ARHGAP6: variants seen among roughly 807,000 people sequenced by gnomAD.
The protein encoded by ARHGAP6 is Rho GTPase activating protein 6, also known as rho GTPase-activating protein 6.
Under a neutral mutation model 55.7 loss-of-function variants are expected in ARHGAP6, and 16 were observed. The ratio of observed to expected loss-of-function variants is 0.29; its 90% CI spans 0.19 to 0.44. The LOEUF is 0.44. Ranked by LOEUF, ARHGAP6 falls within the 20% of genes least tolerant of loss-of-function variation. The pLI, the probability that ARHGAP6 is intolerant of heterozygous loss-of-function variation, is 1.00. For synonymous variants in ARHGAP6, 382 were observed against 360.9 expected, an observed-to-expected ratio of 1.06 and a Z score of -0.66; for missense variants, 698 against 808.9, an observed-to-expected ratio of 0.86 and a Z score of 1.66.
At chrX:11,403,522 AAATAT>A (rs2049575478) in intron 1 of ARHGAP6, among the ~76,000 whole-genome samples, 1 of 112,448 alleles carries the variant, frequency 8.9e-6, no homozygotes, top group East Asian at 2.8e-4. Context: ...AGGTTAAATA[AAATAT>A]ATTACTGTTT....
intron 10 of ARHGAP6, among the ~76,000 whole-genome samples, chrX:11,152,121 C>A (rs905884460): frequency 2.7e-5 from 3 of 111,987 alleles, no homozygotes; most frequent in Non-Finnish European, 5.6e-5. Flanking sequence ...CTTTTTATCT[C>A]TAGTTTACAG....
At chrX:11,176,289 G>A (rs6639056) in intron 8 of ARHGAP6, among the ~76,000 whole-genome samples, 4 of 30,929 alleles carry the variant, frequency 1.3e-4, no homozygotes, top group African/African-American at 1.8e-4. Context: ...ATATTTATAT[G>A]TATTTGCATG....
At position 11,403,024 on chromosome X, in the gene ARHGAP6, T is replaced by C. The variant is rs61061577; in HGVS notation, c.589-148317A>G. Among the ~76,000 whole-genome samples, 1,094 of 112,140 alleles carry C rather than the reference T, an allele frequency of 9.8e-3. 9 individuals are homozygous for C. The highest frequency in any genetic ancestry group is 0.034 in the African/African-American group (1,045 of 30,917). On this transcript the variant is annotated intron_variant, in intron 1 of 12. Coordinates refer to ENST00000337414, the MANE Select transcript of ARHGAP6 (RefSeq NM_013427.3). Reference sequence around the variant, plus strand: ...ACAGGTGTCATTGAAAACAATAGTTTGCGTTGGCTGCTCAGTATGGGAAAG... The same window carrying C: ...ACAGGTGTCATTGAAAACAATAGTTCGCGTTGGCTGCTCAGTATGGGAAAG...
chrX:11,251,582 G>A (rs1488320459), intron 2 of ARHGAP6, among the ~76,000 whole-genome samples: 2 of 112,404 alleles, frequency 1.8e-5, no homozygotes, highest in African/African-American at 6.5e-5. Flanking sequence ...ATGTGACAGA[G>A]AACAGAAATG....
intron 1 of ARHGAP6, among the ~76,000 whole-genome samples, chrX:11,267,663 A>C (rs5933870): frequency 0.025 from 2,794 of 112,436 alleles, 37 homozygotes; most frequent in Middle Eastern, 0.074. Flanking sequence ...AGGTCAATAA[A>C]TGTTTCGTAA....
chrX:11,174,625 T>TC (rs748505752), intron 8 of ARHGAP6, among the ~76,000 whole-genome samples: 912 of 14,473 alleles, frequency 0.063, 8 homozygotes, highest in African/African-American at 0.085. Context: ...TCTCTTTCTT[T>TC]TCTTTCTTTC....
intron 1 of ARHGAP6, among the ~76,000 whole-genome samples, chrX:11,483,205 C>A (rs1378195166): frequency 8.9e-6 from 1 of 111,914 alleles, no homozygotes; most frequent in Non-Finnish European, 1.9e-5. Context: ...TCCTGCCATG[C>A]ACACAGAACT....
rs941640146 is a variant in ARHGAP6, at chrX:11,138,152, T to C, written c.*711A>G. On this transcript the variant is annotated 3_prime_UTR_variant, in exon 13 of 13. Transcript: ENST00000337414. ...CCTTTTTCTTGTTTGGTTAACTGAA[T>C]CCTTTCTAAACAAGTTCTAAAAATA... 1 of 112,621 alleles carries C rather than the reference T, an allele frequency of 8.9e-6. No homozygotes were observed. Among genetic ancestry groups the C allele is most frequent in the Admixed American group, 9.4e-5 (1 of 10,594 alleles). The allele number at this position is 112,621 out of a possible 1,213,427, so 9.3% of individuals were successfully genotyped here.
At chrX:11,143,816 T>C (rs757106754) in intron 11 of ARHGAP6, 164 bp downstream of exon 11, 4 of 1,166,226 alleles carry the variant, frequency 3.4e-6, no homozygotes, top group Non-Finnish European at 4.6e-6. Context: ...TTCCTCTTCC[T>C]AGAGTAGGCG....
chrX:11,453,203 T>C (rs1399691654), intron 1 of ARHGAP6, among the ~76,000 whole-genome samples: 4 of 100,819 alleles, frequency 4.0e-5, no homozygotes, highest in Admixed American at 1.2e-4. Context: ...TCTATATATA[T>C]ACATAATATA....
At chrX:11,507,578 C>T (rs894862294) in intron 1 of ARHGAP6, among the ~76,000 whole-genome samples, 4 of 111,858 alleles carry the variant, frequency 3.6e-5, no homozygotes, top group African/African-American at 1.3e-4. Context: ...GAGATTCACT[C>T]CTATTTTGTA....
chrX:11,616,435 T>A (rs1475764735), intron 1 of ARHGAP6, among the ~76,000 whole-genome samples: 1 of 111,353 alleles, frequency 9.0e-6, no homozygotes, highest in African/African-American at 3.3e-5. Flanking sequence ...AAGCAATTCT[T>A]CTGCCTCAGC....
At chrX:11,551,120 G>A (rs2051262111) in intron 1 of ARHGAP6, among the ~76,000 whole-genome samples, 1 of 111,959 alleles carries the variant, frequency 8.9e-6, no homozygotes. Flanking sequence ...TAAAAGTCAT[G>A]GACAACACAA....
chrX:11,662,407 AAC>A (rs150974482), intron 1 of ARHGAP6, among the ~76,000 whole-genome samples: 2 of 109,920 alleles, frequency 1.8e-5, no homozygotes, highest in Middle Eastern at 4.8e-3. Context: ...AGGAATTTCC[AAC>A]ACACACACAC....
Position 11,310,952 on chromosome X carries a change from G to A in ARHGAP6, c.589-56245C>T, listed in dbSNP as rs188394841. On this transcript the variant is annotated intron_variant, in intron 1 of 12. Transcript: ENST00000337414. ...GTTGCTCTTGTATATCAGGTAGTTG[G>A]CATCTCCAAAGAGATTAAATGCAAC... 3.7e-3 allele frequency among the ~76,000 whole-genome samples: 416 copies of A among 112,052 alleles called. 1 individual carries two copies. Among genetic ancestry groups the A allele is most frequent in the Middle Eastern group, 0.014 (3 of 215 alleles).
intron 1 of ARHGAP6, among the ~76,000 whole-genome samples, chrX:11,496,858 G>A (rs1164640037): frequency 1.8e-5 from 2 of 111,961 alleles, no homozygotes; most frequent in East Asian, 2.8e-4. Flanking sequence ...ATATCCCAGA[G>A]AATCATTATC....
chrX:11,180,526 T>C (rs757018207), intron 6 of ARHGAP6, among the ~76,000 whole-genome samples: 8 of 111,109 alleles, frequency 7.2e-5, no homozygotes, highest in Non-Finnish European at 1.5e-4. Flanking sequence ...TGGCTAGTGA[T>C]CTAAGGAAAA....
intron 1 of ARHGAP6, among the ~76,000 whole-genome samples, chrX:11,517,810 G>T (rs1488726622): frequency 9.1e-6 from 1 of 109,773 alleles, no homozygotes; most frequent in Non-Finnish European, 1.9e-5. Context: ...CACACACTGG[G>T]GCCTGTCAGG....
At chrX:11,183,790 C>T (rs747815087) in intron 5 of ARHGAP6, among the ~76,000 whole-genome samples, 14 of 112,077 alleles carry the variant, frequency 1.2e-4, no homozygotes, top group Non-Finnish European at 1.3e-4. Flanking sequence ...AGACATTACT[C>T]TGATTGCGGT....
Sources: allele counts gnomAD v4.1 joint callset (sites outside exome capture counted in the v4.1 genomes callset), GRCh38; gene constraint gnomAD v4.1.1; transcripts MANE v1.5; gene names NCBI Gene and HGNC (gene_info 2026-07-23, HGNC 2026-07-21).